The following SASH1 variants were observed in gnomAD, a reference collection of about 807,000 sequenced individuals.
The protein encoded by SASH1 is SAM and SH3 domain-containing protein 1.
In SASH1, 44 loss-of-function variants were observed where a neutral mutation model predicts 125.2. That is an observed-to-expected ratio of 0.35 (90% confidence interval 0.28 to 0.45). SASH1 has a LOEUF of 0.45. SASH1 is among the 20% of genes least tolerant of loss of function. The pLI is 1.00. For missense variants in SASH1, 1,426 were observed against 1,614.5 expected, an observed-to-expected ratio of 0.88 and a Z score of 2.00; for synonymous variants, 639 against 649.1, an observed-to-expected ratio of 0.98 and a Z score of 0.24.
chr6:148,349,248 C>CT (rs1781627053), intron 1 of SASH1, among the ~76,000 whole-genome samples: 13 of 66,250 alleles, frequency 2.0e-4, no homozygotes, highest in South Asian at 1.2e-3. Flanking sequence ...TTTCTTCTTT[C>CT]TTTCTTTTTT....
rs188956862 is a variant in SASH1 at position 148,412,528 on chromosome 6, G to A, written c.285+22266G>A. ...GCAATGAGTTCCCTAAAAGCTATGC[G>A]TATCAGTCCGCCTCTCATTGCTATA... On this transcript the variant is annotated intron_variant, in intron 2 of 19. Coordinates refer to ENST00000367467, the MANE Select transcript of SASH1 (RefSeq NM_015278.5). Among the ~76,000 whole-genome samples, 898 of 152,272 alleles carry A rather than the reference G, an allele frequency of 5.9e-3. 4 individuals carry two copies. The highest frequency in any genetic ancestry group is 9.6e-3 in the Non-Finnish European group (656 of 68,032).
chr6:148,202,951 CA>C, the SASH1 span, among the ~76,000 whole-genome samples: 8 of 137,296 alleles, frequency 5.8e-5, no homozygotes, highest in South Asian at 4.7e-4. Flanking sequence ...AAGGCTGTGT[CA>C]AAAAAAAAAC....
At chr6:148,338,899 G>T (rs1365698935), upstream of SASH1, among the ~76,000 whole-genome samples, 2 of 151,722 alleles carry the variant, frequency 1.3e-5, no homozygotes, top group Admixed American at 6.6e-5. Flanking sequence ...CAGCTACTTG[G>T]GAGGATGAGG....
chr6:148,224,793 G>GA, the SASH1 span, among the ~76,000 whole-genome samples: 1 of 152,120 alleles, frequency 6.6e-6, no homozygotes, highest in African/African-American at 2.4e-5. Flanking sequence ...TAAATTGATA[G>GA]AAAAAATTTT....
chr6:148,387,637 TTTC>T lies in SASH1; in HGVS notation c.157-2494_157-2492del, dbSNP rs1783498146. On this transcript the variant is annotated intron_variant, in intron 1 of 19. Transcript: ENST00000367467. Reference sequence around the variant, plus strand: ...CTTTCTTTCTTTCTTTCTTTCTTTCTTTCTTTCTTTCTTTCTTTCTTTCTTTCT... The same window carrying T: ...CTTTCTTTCTTTCTTTCTTTCTTTCTTTTCTTTCTTTCTTTCTTTCTTTCT... Among the ~76,000 whole-genome samples the T allele has an allele frequency of 2.2e-4, 19 of 84,684 alleles. 2 individuals carry two copies. Among genetic ancestry groups the T allele is most frequent in the South Asian group, 9.2e-4 (2 of 2,168 alleles). 55.6% of individuals were successfully genotyped at this position (84,684 alleles called of 152,430 possible). A position where few individuals can be genotyped will look rare whatever the true frequency, so the allele number is the denominator to read the frequency against.
chr6:148,449,078 C>CTTTTTTTTTTTTTTTTTTTTCTTTTTTT, intron 4 of SASH1, among the ~76,000 whole-genome samples: 1 of 88,736 alleles, frequency 1.1e-5, no homozygotes, highest in Non-Finnish European at 2.3e-5. Flanking sequence ...CATTTCATTT[C>CTTTTTTTTTTTTTTTTTTTTCTTTTTTT]TTTTTTTTTT....
Position 148,531,609 on chromosome 6 carries a change from C to T in SASH1, c.1512C>T (p.Ala504=), listed in dbSNP as rs375326973. 2.8e-5 allele frequency: 44 copies of T among 1,575,650 alleles called. No homozygotes were observed. The highest frequency in any genetic ancestry group is 3.6e-5 in the Admixed American group (2 of 54,930). Residue 504 remains alanine (A), a synonymous_variant, in exon 13 of 20, where the codon GCC becomes GCT. Coordinates refer to ENST00000367467, the MANE Select transcript of SASH1 (RefSeq NM_015278.5). ...PEHLDKPKLK[A]GGSVESLRSS... The stretch of plus-strand genomic sequence containing the variant: ...ACTTGGACAAGCCCAAGCTCAAGGC[C>T]GGGGGTTCTGTAGAAAGTCTTCGCA...
At chr6:148,272,658 T>G (rs1035265815) in intron 1 of SASH1, among the ~76,000 whole-genome samples, 5 of 152,256 alleles carry the variant, frequency 3.3e-5, no homozygotes, top group African/African-American at 1.2e-4. Context: ...CCCCCAAGAC[T>G]CTAAAAAAGG....
intron 1 of SASH1, among the ~76,000 whole-genome samples, chr6:148,279,760 T>A: frequency 6.6e-6 from 1 of 152,034 alleles, no homozygotes; most frequent in Non-Finnish European, 1.5e-5. Flanking sequence ...TTTGGGAGGC[T>A]GAGGTAGGCA....
the SASH1 span, among the ~76,000 whole-genome samples, chr6:148,248,320 A>G: frequency 6.6e-6 from 1 of 152,174 alleles, no homozygotes; most frequent in Admixed American, 6.5e-5. Context: ...CTGTTTGTTT[A>G]TTTTAATCCA....
chr6:148,302,634 G>A (rs2128514255), intron 1 of SASH1, among the ~76,000 whole-genome samples: 1 of 145,856 alleles, frequency 6.9e-6, no homozygotes. Context: ...TATATATATA[G>A]GGTACATTAG....
the SASH1 span, among the ~76,000 whole-genome samples, chr6:148,258,134 G>C: frequency 1.3e-5 from 2 of 151,818 alleles, no homozygotes; most frequent in Non-Finnish European, 2.9e-5. Flanking sequence ...GCCCAAGCTG[G>C]CCTTGAACTC....
intron 1 of SASH1, among the ~76,000 whole-genome samples, chr6:148,282,412 C>T (rs139510769): frequency 0.019 from 2,880 of 151,516 alleles, 84 homozygotes; most frequent in African/African-American, 0.066. Context: ...GATGGAGTCT[C>T]GCTCTGTCGC....
At chr6:148,523,235 T>C (rs1486873013) in intron 10 of SASH1, among the ~76,000 whole-genome samples, 4 of 152,336 alleles carry the variant, frequency 2.6e-5, no homozygotes, top group South Asian at 4.1e-4. Flanking sequence ...TGATGAGGCA[T>C]CTGGGTGCCA....
intron 1 of SASH1, among the ~76,000 whole-genome samples, chr6:148,273,194 G>GA: frequency 6.6e-6 from 1 of 152,034 alleles, no homozygotes; most frequent in Admixed American, 6.6e-5. Context: ...CAGGATTTCT[G>GA]GGCTGCAGTA....
chr6:148,501,821 T>A (rs973395204), intron 8 of SASH1, among the ~76,000 whole-genome samples: 1 of 152,202 alleles, frequency 6.6e-6, no homozygotes, highest in Non-Finnish European at 1.5e-5. Context: ...TTTTGTTTTA[T>A]GTCTCCCTAG....
intron 1 of SASH1, among the ~76,000 whole-genome samples, chr6:148,277,551 C>T (rs62433964): frequency 0.21 from 31,280 of 152,134 alleles, 3,527 homozygotes; most frequent in South Asian, 0.29. Flanking sequence ...ATCCTTATTC[C>T]AGGTAATGTC....
At chr6:148,203,838 A>G in the SASH1 span, among the ~76,000 whole-genome samples, 9 of 152,334 alleles carry the variant, frequency 5.9e-5, no homozygotes, top group Middle Eastern at 3.4e-3. Flanking sequence ...TTCTTTATTA[A>G]TATCACAAAA....
the SASH1 span, among the ~76,000 whole-genome samples, chr6:148,249,324 A>ATG: frequency 1.3e-5 from 1 of 78,564 alleles, no homozygotes; most frequent in South Asian, 4.6e-4. Flanking sequence ...GTGCATGTGC[A>ATG]CGTGTGTGTG....
Sources: allele counts gnomAD v4.1 joint callset (sites outside exome capture counted in the v4.1 genomes callset), GRCh38; gene constraint gnomAD v4.1.1; transcripts MANE v1.5; gene names NCBI Gene and HGNC (gene_info 2026-07-23, HGNC 2026-07-21).